ALKBH1: variants seen among roughly 807,000 people sequenced by gnomAD.
ALKBH1 encodes alkB homolog 1, histone H2A dioxygenase, also known as nucleic acid dioxygenase ALKBH1.
ALKBH1 carries 31 observed loss-of-function variants against 36.6 expected under a neutral mutation model. The ratio of observed to expected loss-of-function variants is 0.85; its 90% CI spans 0.64 to 1.14. ALKBH1 has a LOEUF of 1.14. Among genes scored for constraint, ALKBH1 ranks in the 50% most tolerant of loss-of-function variants. The pLI, the probability that ALKBH1 is intolerant of heterozygous loss-of-function variation, is 0.00. For missense variants in ALKBH1, 490 were observed against 497.3 expected (o/e 0.99, Z 0.14); for synonymous variants, 183 against 186.6 (o/e 0.98, Z 0.16).
intron 2 of ALKBH1, among the ~76,000 whole-genome samples, chr14:77,702,760 G>A (rs1265905616): frequency 6.6e-6 from 1 of 152,106 alleles, no homozygotes; most frequent in Non-Finnish European, 1.5e-5. Context: ...CTGGAGTGCA[G>A]TGGCACGATC....
chr14:77,701,567 T>A lies in ALKBH1; in HGVS notation c.292+2802A>T, dbSNP rs115829364. On this transcript the variant is annotated intron_variant, in intron 2 of 5. Coordinates refer to ENST00000216489, the MANE Select transcript of ALKBH1 (RefSeq NM_006020.3). Reference sequence around the variant, plus strand: ...TTCTGTTTCTGGTTTCCAGGCCTATTATCCTCTTGTTCAAGAGGATGTGTC... The same window carrying A: ...TTCTGTTTCTGGTTTCCAGGCCTATAATCCTCTTGTTCAAGAGGATGTGTC... Among the ~76,000 whole-genome samples, 1,262 of 152,176 alleles carry A rather than the reference T, an allele frequency of 8.3e-3. 13 individuals are homozygous for A. Among genetic ancestry groups the A allele is most frequent in the African/African-American group, 0.029 (1,206 of 41,502 alleles).
intron 3 of ALKBH1, among the ~76,000 whole-genome samples, chr14:77,693,591 C>A (rs116072811): frequency 0.014 from 2,122 of 152,306 alleles, 47 homozygotes; most frequent in African/African-American, 0.049. Flanking sequence ...AGGCTGCTTT[C>A]TCTACTCAGT....
Position 77,707,403 on chromosome 14 carries a change from T to G in ALKBH1, c.183+419A>C, listed in dbSNP as rs182248961. ...AGCCAGAGGAGAAGACAGGGACTAG[T>G]TTTACGCACAGTGGCTTAACAAACA... On this transcript the variant is annotated intron_variant, in intron 1 of 5. Coordinates refer to ENST00000216489, the MANE Select transcript of ALKBH1 (RefSeq NM_006020.3). Among the ~76,000 whole-genome samples the G allele has an allele frequency of 2.0e-5, 3 of 152,316 alleles. No homozygotes were observed. The East Asian group carries it at 5.8e-4, about 29-fold the overall frequency.
intron 2 of ALKBH1, among the ~76,000 whole-genome samples, chr14:77,696,385 T>G (rs113032626): frequency 8.5e-5 from 13 of 152,282 alleles, no homozygotes; most frequent in African/African-American, 2.6e-4. Context: ...AGACGGGGTT[T>G]CACCATATTG....
intron 3 of ALKBH1, among the ~76,000 whole-genome samples, chr14:77,690,843 C>T (rs7143382): frequency 0.12 from 18,648 of 151,772 alleles, 1,482 homozygotes; most frequent in African/African-American, 0.22. Flanking sequence ...CTCTTGTTGC[C>T]CAGGCTGGAG....
chr14:77,682,888 G>C (rs1289880259), intron 3 of ALKBH1, among the ~76,000 whole-genome samples: 1 of 152,008 alleles, frequency 6.6e-6, no homozygotes, highest in Non-Finnish European at 1.5e-5. Flanking sequence ...GTAGAGATGG[G>C]GTTTCACCAT....
At chr14:77,675,621 TA>T (rs1278263162) in intron 5 of ALKBH1, 34 bp downstream of exon 5, 1 of 1,546,174 alleles carries the variant, frequency 6.5e-7, no homozygotes, top group Non-Finnish European at 8.8e-7. Flanking sequence ...AATTAAATGA[TA>T]AAAAGTAATC....
At chr14:77,678,309 C>T (rs1332597735) in intron 4 of ALKBH1, among the ~76,000 whole-genome samples, 2 of 152,062 alleles carry the variant, frequency 1.3e-5, no homozygotes, top group African/African-American at 4.8e-5. Context: ...TATCTAGTTT[C>T]CTACTGAGTC....
At chr14:77,686,814 G>A (rs1331823568) in intron 3 of ALKBH1, among the ~76,000 whole-genome samples, 1 of 152,096 alleles carries the variant, frequency 6.6e-6, no homozygotes, top group East Asian at 1.9e-4. Context: ...AGTAGAGATG[G>A]GGTTTCACCA....
At chr14:77,680,955 C>T (rs564934023) in intron 3 of ALKBH1, among the ~76,000 whole-genome samples, 3 of 152,088 alleles carry the variant, frequency 2.0e-5, no homozygotes, top group South Asian at 2.1e-4. Flanking sequence ...GGATTACAGG[C>T]GTGAGCCACC....
At chr14:77,682,162 A>C (rs1009266720) in intron 3 of ALKBH1, among the ~76,000 whole-genome samples, 1 of 152,222 alleles carries the variant, frequency 6.6e-6, no homozygotes, top group Non-Finnish European at 1.5e-5. Flanking sequence ...AGCTGATTTG[A>C]ACAATTACAA....
intron 3 of ALKBH1, among the ~76,000 whole-genome samples, chr14:77,684,798 T>C (rs1297324426): frequency 1.3e-5 from 2 of 152,222 alleles, no homozygotes; most frequent in Admixed American, 6.5e-5. Flanking sequence ...TCCTTCTGCG[T>C]TGGCCTCCCA....
At chr14:77,692,228 G>C (rs2080301129) in intron 3 of ALKBH1, among the ~76,000 whole-genome samples, 1 of 152,222 alleles carries the variant, frequency 6.6e-6, no homozygotes, top group Non-Finnish European at 1.5e-5. Flanking sequence ...ATGAGACACA[G>C]AAAGGTGAAG....
intron 2 of ALKBH1, among the ~76,000 whole-genome samples, chr14:77,699,312 A>C (rs2139863063): frequency 6.6e-6 from 1 of 152,360 alleles, no homozygotes; most frequent in East Asian, 1.9e-4. Context: ...AAACAGAAAC[A>C]ACTTTGTTAT....
At chr14:77,701,354 G>C (rs77756325) in intron 2 of ALKBH1, among the ~76,000 whole-genome samples, 2,037 of 152,274 alleles carry the variant, frequency 0.013, 58 homozygotes, top group African/African-American at 0.047. Context: ...GAGGGCAAGA[G>C]AATTTAAAAA....
intron 3 of ALKBH1, among the ~76,000 whole-genome samples, chr14:77,690,950 C>T (rs1247986971): frequency 3.3e-5 from 5 of 152,032 alleles, no homozygotes; most frequent in African/African-American, 9.7e-5. Flanking sequence ...TATAGGCATG[C>T]GCCACCATGC....
intron 2 of ALKBH1, among the ~76,000 whole-genome samples, chr14:77,697,774 A>C (rs1399072819): frequency 2.0e-5 from 3 of 151,930 alleles, no homozygotes; most frequent in Non-Finnish European, 2.9e-5. Flanking sequence ...AGCACTTGAA[A>C]GGCCAAGGCA....
Position 77,695,023 on chromosome 14 carries a change from T to C in ALKBH1, c.293-123A>G, listed in dbSNP as rs923003172. 7.1e-5 allele frequency: 54 copies of C among 756,454 alleles called. No homozygotes were observed. The African/African-American group carries it at 9.2e-4, about 13-fold the overall frequency. 46.9% of individuals were successfully genotyped at this position (756,454 alleles called of 1,614,324 possible). A position where few individuals can be genotyped will look rare whatever the true frequency, so the allele number is the denominator to read the frequency against. On this transcript the variant is annotated intron_variant, in intron 2 of 5. Coordinates refer to ENST00000216489, the MANE Select transcript of ALKBH1 (RefSeq NM_006020.3). Reference sequence around the variant, plus strand: ...ACTCCCCATATTTTTTTGGTCATGCTTCAAGTTAATGAACAGGTAGGTTTT... The same window carrying C: ...ACTCCCCATATTTTTTTGGTCATGCCTCAAGTTAATGAACAGGTAGGTTTT...
rs1285394243 is a variant in ALKBH1, at chr14:77,673,661, G to A, written c.*151C>T. ...GCAAAGTGGCTGAGTTTACTTCTGCGTGGGTTCCAAGGCAACAGTGTGATC... is the reference window on the plus strand; with the variant it reads ...GCAAAGTGGCTGAGTTTACTTCTGCATGGGTTCCAAGGCAACAGTGTGATC... On this transcript the variant is annotated 3_prime_UTR_variant, in exon 6 of 6. Coordinates refer to ENST00000216489, the MANE Select transcript of ALKBH1 (RefSeq NM_006020.3). 1 of 767,090 alleles carries A rather than the reference G, an allele frequency of 1.3e-6. No homozygotes were observed. The highest frequency in any genetic ancestry group is 2.1e-6 in the Non-Finnish European group (1 of 478,392). The allele number at this position is 767,090 out of a possible 1,614,324, so 47.5% of individuals were successfully genotyped here.
Sources: allele counts gnomAD v4.1 joint callset (sites outside exome capture counted in the v4.1 genomes callset), GRCh38; gene constraint gnomAD v4.1.1; transcripts MANE v1.5; gene names NCBI Gene and HGNC (gene_info 2026-07-23, HGNC 2026-07-21).